The following ULK4 variants were observed in gnomAD, a reference collection of about 807,000 sequenced individuals.
ULK4 encodes unc-51 like kinase 4.
Under a neutral mutation model 160.6 loss-of-function variants are expected in ULK4, and 133 were observed. The ratio of observed to expected loss-of-function variants is 0.83; its 90% CI spans 0.72 to 0.96. The LOEUF (loss-of-function observed/expected upper bound fraction) is 0.96, where lower values mean the gene tolerates loss of function less well. Ranked by LOEUF, ULK4 falls within the 40% of genes least tolerant of loss-of-function variation. ULK4 has a pLI of 0.00. For synonymous variants in ULK4, 534 were observed against 539.8 expected (o/e 0.99, Z 0.15); for missense variants, 1,580 against 1,499.5 (o/e 1.05, Z -0.89).
chr3:41,506,767 A>AAAAAAAAAAAAAAT lies in ULK4; in HGVS notation c.3227-43515_3227-43514insATTTTTTTTTTTTT. Among the ~76,000 whole-genome samples the AAAAAAAAAAAAAAT allele has an allele frequency of 1.9e-4, 11 of 56,794 alleles. 1 individual carries two copies. Among genetic ancestry groups the AAAAAAAAAAAAAAT allele is most frequent in the African/African-American group, 8.2e-4 (10 of 12,248 alleles). 37.3% of individuals were successfully genotyped at this position (56,794 alleles called of 152,430 possible). A position where few individuals can be genotyped will look rare whatever the true frequency, so the allele number is the denominator to read the frequency against. ...AGCAATACACTGGAGTGTGATTTAA[A>AAAAAAAAAAAAAAT]ATATATATATATATATATATATATA... On this transcript the variant is annotated intron_variant, in intron 32 of 36. Transcript: ENST00000301831.
At chr3:41,748,138 TAG>T (rs1378825727) in intron 22 of ULK4, among the ~76,000 whole-genome samples, 1 of 142,736 alleles carries the variant, frequency 7.0e-6, no homozygotes, top group African/African-American at 2.8e-5. Flanking sequence ...TTACCATATA[TAG>T]AGACTATATA....
At chr3:41,455,666 A>G (rs1575245567) in intron 33 of ULK4, 71 bp from the exon 34 acceptor site, 3 of 1,412,366 alleles carry the variant, frequency 2.1e-6, no homozygotes, top group South Asian at 1.2e-5. Flanking sequence ...AAACAGGACC[A>G]CTCCATCGGG....
intron 32 of ULK4, among the ~76,000 whole-genome samples, chr3:41,500,350 A>G (rs2643976): frequency 0.83 from 125,079 of 150,572 alleles, 53,495 homozygotes; most frequent in Non-Finnish European, 0.94. Context: ...TGATTTTTAA[A>G]AACTATCAAT....
intron 19 of ULK4, among the ~76,000 whole-genome samples, chr3:41,816,925 A>G (rs2040983701): frequency 2.0e-5 from 3 of 152,224 alleles, no homozygotes; most frequent in Admixed American, 2.0e-4. Flanking sequence ...ATACACACAC[A>G]TGCGCACACA....
chr3:41,511,261 CACA>C (rs2085568046), intron 32 of ULK4, among the ~76,000 whole-genome samples: 1 of 150,204 alleles, frequency 6.7e-6, no homozygotes, highest in Admixed American at 6.6e-5. Context: ...CAAACCAAAA[CACA>C]GCAGAAGAAA....
In ULK4 at chr3:41,348,206, CAAAAAAAAAA is replaced by C. The variant is rs1197234650; in HGVS notation, c.3678+49863_3678+49872del. 9.1e-4 allele frequency among the ~76,000 whole-genome samples: 21 copies of C among 22,964 alleles called. No homozygotes were observed. The East Asian group carries it at 0.02, about 21-fold the overall frequency. 15.1% of individuals were successfully genotyped at this position (22,964 alleles called of 152,430 possible). On this transcript the variant is annotated intron_variant, in intron 35 of 36. Coordinates refer to ENST00000301831, the MANE Select transcript of ULK4 (RefSeq NM_017886.4). ...CCTAGGCAAAAAAGTAACTCTGTCT[CAAAAAAAAAA>C]AAAAAAAAAAAAAAAAGTACATGGA...
intron 31 of ULK4, among the ~76,000 whole-genome samples, chr3:41,611,655 C>T (rs539747022): frequency 4.6e-5 from 7 of 151,370 alleles, no homozygotes; most frequent in Non-Finnish European, 5.9e-5. Context: ...CCAGTACATG[C>T]CCATGACCCA....
At chr3:41,303,302 A>C (rs1294930515) in intron 35 of ULK4, among the ~76,000 whole-genome samples, 1 of 152,202 alleles carries the variant, frequency 6.6e-6, no homozygotes, top group Non-Finnish European at 1.5e-5. Context: ...TGTTGAAGGT[A>C]TCATAGCAAG....
chr3:41,794,163 A>T (rs916094503), intron 20 of ULK4, among the ~76,000 whole-genome samples: 2 of 152,214 alleles, frequency 1.3e-5, no homozygotes, highest in Non-Finnish European at 2.9e-5. Flanking sequence ...CATTAGGAGA[A>T]ACAGGTCAGA....
chr3:41,416,103 G>T (rs1164484179), intron 34 of ULK4, among the ~76,000 whole-genome samples: 1 of 152,174 alleles, frequency 6.6e-6, no homozygotes, highest in African/African-American at 2.4e-5. Flanking sequence ...TGATACAGCA[G>T]TAACAATAGG....
intron 29 of ULK4, among the ~76,000 whole-genome samples, chr3:41,677,900 T>C (rs1414659436): frequency 6.6e-6 from 1 of 152,140 alleles, no homozygotes; most frequent in Non-Finnish European, 1.5e-5. Flanking sequence ...CTCCCTAACA[T>C]GGGTGAATCT....
Position 41,429,490 on chromosome 3 carries a change from G to C in ULK4, c.3492+26007C>G, listed in dbSNP as rs149274676. Among the ~76,000 whole-genome samples, 73 of 152,194 alleles carry C rather than the reference G, an allele frequency of 4.8e-4. 1 individual carries two copies. In the East Asian group the frequency reaches 0.013, roughly 27 times the overall value. ...CACTATTCACAATAGCAAAGACATG[G>C]AATCAACACAAATGCCCATCAGTGA... On this transcript the variant is annotated intron_variant, in intron 34 of 36. Coordinates refer to ENST00000301831, the MANE Select transcript of ULK4 (RefSeq NM_017886.4).
At chr3:41,399,458 TTTC>T (rs1399174342) in intron 34 of ULK4, among the ~76,000 whole-genome samples, 1 of 152,224 alleles carries the variant, frequency 6.6e-6, no homozygotes, top group African/African-American at 2.4e-5. Context: ...GTCTTTTGAC[TTTC>T]TTGATACTGT....
intron 32 of ULK4, among the ~76,000 whole-genome samples, chr3:41,561,105 G>C (rs538735666): frequency 6.6e-6 from 1 of 152,244 alleles, no homozygotes; most frequent in Non-Finnish European, 1.5e-5. Flanking sequence ...GGCCTTTTCT[G>C]CATCTATTGA....
chr3:41,860,891 T>C (rs1235697149), intron 17 of ULK4, among the ~76,000 whole-genome samples: 1 of 152,078 alleles, frequency 6.6e-6, no homozygotes, highest in Non-Finnish European at 1.5e-5. Context: ...ACTATGTGTT[T>C]TTTTGTTGTT....
chr3:41,351,508 G>T (rs895428951), intron 35 of ULK4, among the ~76,000 whole-genome samples: 1 of 152,190 alleles, frequency 6.6e-6, no homozygotes, highest in Admixed American at 6.5e-5. Flanking sequence ...CTGAAAATTA[G>T]AACCTCCAGG....
intron 30 of ULK4, among the ~76,000 whole-genome samples, chr3:41,617,009 G>A (rs1413761427): frequency 1.3e-5 from 2 of 152,156 alleles, no homozygotes; most frequent in Non-Finnish European, 2.9e-5. Flanking sequence ...GTGCTAAGAA[G>A]CCTGGGCAGG....
intron 30 of ULK4, among the ~76,000 whole-genome samples, chr3:41,660,615 C>T (rs2035118890): frequency 6.6e-6 from 1 of 152,198 alleles, no homozygotes; most frequent in Non-Finnish European, 1.5e-5. Flanking sequence ...ATGGACTTTG[C>T]AAGTTGCACA....
intron 17 of ULK4, among the ~76,000 whole-genome samples, chr3:41,880,214 A>G (rs1697465762): frequency 6.6e-6 from 1 of 152,226 alleles, no homozygotes; most frequent in Non-Finnish European, 1.5e-5. Context: ...ATATTGGCTT[A>G]ATATCAGAAA....
Sources: gnomAD v4.1 joint callset for allele counts (sites outside exome capture counted in the v4.1 genomes callset) on GRCh38, gnomAD v4.1.1 for gene constraint, MANE v1.5 for transcripts, NCBI Gene and HGNC (gene_info 2026-07-23, HGNC 2026-07-21) for gene names.